The following MYO3B variants were observed in gnomAD, a reference collection of about 807,000 sequenced individuals.
The protein encoded by MYO3B is myosin-IIIb.
Under a neutral mutation model 174.6 loss-of-function variants are expected in MYO3B, and 156 were observed. That is an observed-to-expected ratio of 0.89 (90% CI 0.78 to 1.02). The LOEUF (loss-of-function observed/expected upper bound fraction) is 1.02. Among genes scored for constraint, MYO3B ranks in the 50% least tolerant of loss-of-function variants. The pLI is 0.00. For synonymous variants in MYO3B, 563 were observed against 569.1 expected (o/e 0.99, Z 0.15); for missense variants, 1,632 against 1,639.4 (o/e 1.00, Z 0.08).
intron 22 of MYO3B, among the ~76,000 whole-genome samples, chr2:170,435,075 A>G (rs147385758): frequency 1.5e-4 from 23 of 152,374 alleles, no homozygotes; most frequent in African/African-American, 5.3e-4. Flanking sequence ...TACTGCAAGT[A>G]TTGCACTAGC....
rs749326623 is a variant in MYO3B at position 170,522,087 on chromosome 2, A to G, written c.3575+2547A>G. Among the ~76,000 whole-genome samples, 3 of 152,178 alleles carry G rather than the reference A, an allele frequency of 2.0e-5. No individual in the cohort carries two copies. The South Asian group carries it at 6.2e-4, about 32-fold the overall frequency. The stretch of plus-strand genomic sequence containing the variant: ...CCATTCTTCTTCTCTTCCGCTTACC[A>G]TTAAAATAAAGGCAATTCTCCAAGT... On this transcript the variant is annotated intron_variant, in intron 30 of 34. Transcript: ENST00000408978.
At chr2:170,386,840 T>C (rs901981427) in intron 13 of MYO3B, among the ~76,000 whole-genome samples, 11 of 152,232 alleles carry the variant, frequency 7.2e-5, no homozygotes, top group Admixed American at 6.5e-4. Context: ...CTAAACTGGT[T>C]AGGTGTTTTA....
At chr2:170,457,631 C>T (rs1454170970) in intron 23 of MYO3B, among the ~76,000 whole-genome samples, 3 of 152,204 alleles carry the variant, frequency 2.0e-5, no homozygotes, top group Non-Finnish European at 2.9e-5. Context: ...ATAGTGTCAT[C>T]ATCTCCTATG....
At chr2:170,538,714 G>C (rs781747469) in intron 30 of MYO3B, among the ~76,000 whole-genome samples, 51 of 152,158 alleles carry the variant, frequency 3.4e-4, no homozygotes, top group Non-Finnish European at 1.0e-4. Context: ...GTCTCCCCTA[G>C]AACCCACAGT....
intron 8 of MYO3B, among the ~76,000 whole-genome samples, 159 bp downstream of exon 8, chr2:170,335,609 G>T (rs1482060802): frequency 6.6e-6 from 1 of 152,194 alleles, no homozygotes; most frequent in African/African-American, 2.4e-5. Context: ...AGATGCCTTT[G>T]CAAGATGTGA....
At chr2:170,200,540 T>C (rs1053156354) in intron 3 of MYO3B, among the ~76,000 whole-genome samples, 1 of 152,252 alleles carries the variant, frequency 6.6e-6, no homozygotes, top group Non-Finnish European at 1.5e-5. Flanking sequence ...AGGAATATAA[T>C]TGAAAACATT....
Position 170,653,055 on chromosome 2 carries a change from G to C in MYO3B, c.3960G>C (p.Glu1320Asp), listed in dbSNP as rs368487811. Residue 1320 changes from glutamate (E) to aspartate (D), a missense_variant, in exon 35 of 35, where the codon GAG becomes GAC. Coordinates refer to ENST00000408978, the MANE Select transcript of MYO3B (RefSeq NM_138995.5). Reference sequence around the variant, plus strand: ...CACCAGTGGACTGTATCCCTGAGGAGAACAACTCAGCCCACCCTTCCTTTT... The same window carrying C: ...CACCAGTGGACTGTATCCCTGAGGACAACAACTCAGCCCACCCTTCCTTTT... ...SLSPVDCIPE[E>D]NNSAHPSFFS... 44 of 1,614,054 alleles carry C rather than the reference G, an allele frequency of 2.7e-5. No individual in the cohort carries two copies. The highest frequency in any genetic ancestry group is 3.6e-5 in the Non-Finnish European group (42 of 1,180,014).
intron 32 of MYO3B, among the ~76,000 whole-genome samples, chr2:170,650,495 G>C (rs972330734): frequency 4.0e-5 from 6 of 151,880 alleles, no homozygotes; most frequent in African/African-American, 1.5e-4. Flanking sequence ...TGTCCTCCAG[G>C]ATAGTGATAG....
chr2:170,179,043 C>T (rs1230668309), intron 1 of MYO3B, among the ~76,000 whole-genome samples: 2 of 152,040 alleles, frequency 1.3e-5, no homozygotes, highest in African/African-American at 4.8e-5. Flanking sequence ...TCATTGGATT[C>T]CTCTACCAAG....
chr2:170,264,566 A>G (rs774252096), intron 7 of MYO3B, among the ~76,000 whole-genome samples: 6 of 152,192 alleles, frequency 3.9e-5, no homozygotes, highest in Admixed American at 1.3e-4. Flanking sequence ...CAGACATTCA[A>G]TCTGCCACGT....
intron 32 of MYO3B, among the ~76,000 whole-genome samples, chr2:170,606,834 A>G (rs1244567615): frequency 6.6e-6 from 1 of 152,168 alleles, no homozygotes; most frequent in Non-Finnish European, 1.5e-5. Context: ...TAGCCTGATC[A>G]ACATGGAGAA....
chr2:170,313,478 C>T (rs2093753385), intron 7 of MYO3B, among the ~76,000 whole-genome samples: 1 of 152,176 alleles, frequency 6.6e-6, no homozygotes, highest in Admixed American at 6.5e-5. Flanking sequence ...ATCTTCAGGG[C>T]CAGCCTTGGT....
intron 8 of MYO3B, among the ~76,000 whole-genome samples, chr2:170,356,114 C>T (rs2094118582): frequency 6.6e-6 from 1 of 151,834 alleles, no homozygotes; most frequent in South Asian, 2.1e-4. Flanking sequence ...GTGCCCGCCA[C>T]CATGCCCGGC....
chr2:170,391,574 A>T lies in MYO3B; in HGVS notation c.1632A>T (p.Gln544His). The T allele has an allele frequency of 6.3e-7, 1 of 1,586,632 alleles. No homozygotes were observed. The highest frequency in any genetic ancestry group is 8.5e-7 in the Non-Finnish European group (1 of 1,170,380). Reference protein sequence around the residue: ...FYYIYAGLHHQKKLSDFRLPE... With the variant: ...FYYIYAGLHHHKKLSDFRLPE... ...ATATTTATGCTGGTCTTCATCACCAAAAGAAGCTTTCTGATTTCAGACTTC... is the reference window on the plus strand; with the variant it reads ...ATATTTATGCTGGTCTTCATCACCATAAGAAGCTTTCTGATTTCAGACTTC... Residue 544 changes from glutamine to histidine, a missense_variant, in exon 15 of 35, where the codon CAA (glutamine) becomes CAT (histidine). Physicochemically the swap from Gln to His is conservative, Grantham distance 24. Transcript: ENST00000408978.
intron 7 of MYO3B, among the ~76,000 whole-genome samples, chr2:170,261,960 C>A (rs1185239683): frequency 1.3e-5 from 2 of 152,186 alleles, no homozygotes; most frequent in Admixed American, 6.5e-5. Context: ...GTAAGAAGGA[C>A]TACTCAAAGC....
At chr2:170,234,167 T>A (rs2093043307) in intron 6 of MYO3B, among the ~76,000 whole-genome samples, 1 of 35,058 alleles carries the variant, frequency 2.9e-5, no homozygotes, top group Non-Finnish European at 5.6e-5. Flanking sequence ...TGAGACTCCG[T>A]CTCAAAAAAA....
At chr2:170,642,412 G>A (rs562569564) in intron 32 of MYO3B, among the ~76,000 whole-genome samples, 2 of 152,264 alleles carry the variant, frequency 1.3e-5, no homozygotes, top group East Asian at 3.9e-4. Flanking sequence ...GATTGTTCAT[G>A]ACATAACATG....
chr2:170,562,451 G>A (rs1691774933), intron 32 of MYO3B, among the ~76,000 whole-genome samples: 1 of 151,820 alleles, frequency 6.6e-6, no homozygotes, highest in Non-Finnish European at 1.5e-5. Context: ...GAAGAATTAT[G>A]ATATAGAAAA....
chr2:170,386,700 T>A (rs2094378090), intron 13 of MYO3B, among the ~76,000 whole-genome samples: 1 of 152,222 alleles, frequency 6.6e-6, no homozygotes, highest in African/African-American at 2.4e-5. Flanking sequence ...TCAAATAGTC[T>A]AGTAGTTACT....
Sources: allele counts gnomAD v4.1 joint callset (sites outside exome capture counted in the v4.1 genomes callset), GRCh38; gene constraint gnomAD v4.1.1; transcripts MANE v1.5; gene names NCBI Gene and HGNC (gene_info 2026-07-23, HGNC 2026-07-21).